Variants in CUL4A observed in about 807,000 individuals in gnomAD.
The protein encoded by CUL4A is cullin-4A.
In CUL4A, 16 loss-of-function variants were observed where a neutral mutation model predicts 95.5. The observed-to-expected ratio is 0.17, with a 90% CI of 0.11 to 0.25. The LOEUF is 0.25. Among genes scored for constraint, CUL4A ranks in the 10% least tolerant of loss-of-function variants. The pLI is 1.00. For missense variants in CUL4A, 610 were observed against 937.0 expected (o/e 0.65, Z 4.56); for synonymous variants, 380 against 353.1 (o/e 1.08, Z -0.85).
rs2041323991 is a variant in CUL4A at position 113,231,905 on chromosome 13, C to T, written c.513-1272C>T. ...CCACCATTGAGGTGGCTCCCAGGGC[C>T]CTCTGCACACCTGTGTGGCACCCAC... On this transcript the variant is annotated intron_variant, in intron 5 of 19. Transcript: ENST00000375440. 2.0e-5 allele frequency among the ~76,000 whole-genome samples: 3 copies of T among 152,062 alleles called. No homozygotes were observed. In the South Asian group the frequency reaches 6.2e-4, roughly 31 times the overall value.
At chr13:113,233,010 G>T in intron 5 of CUL4A, 167 bp from the exon 6 acceptor site, 3 of 691,654 alleles carry the variant, frequency 4.3e-6, no homozygotes, top group Non-Finnish European at 7.0e-6. Flanking sequence ...AGGCGCGCTA[G>T]ACTGGCTGAG....
At chr13:113,258,166 T>C (rs1239482407) in intron 18 of CUL4A, among the ~76,000 whole-genome samples, 1 of 152,058 alleles carries the variant, frequency 6.6e-6, no homozygotes, top group African/African-American at 2.4e-5. Flanking sequence ...AATTTTTGTA[T>C]TTTTTGTAGA....
chr13:113,216,763 A>G (rs951613633), intron 2 of CUL4A, among the ~76,000 whole-genome samples: 11 of 152,200 alleles, frequency 7.2e-5, no homozygotes, highest in African/African-American at 2.7e-4. Context: ...TAACAGCACA[A>G]AAAAGTCTTC....
Position 113,257,264 on chromosome 13 carries a change from T to TG in CUL4A, c.2031+2141dup, listed in dbSNP as rs1233405296. Among the ~76,000 whole-genome samples the TG allele has an allele frequency of 4.6e-5, 7 of 152,142 alleles. 1 individual carries two copies. The highest frequency in any genetic ancestry group is 7.2e-5 in the African/African-American group (3 of 41,422). On this transcript the variant is annotated intron_variant, in intron 18 of 19. Coordinates refer to ENST00000375440, the MANE Select transcript of CUL4A (RefSeq NM_001008895.4). ...TGACAGATAATTTTGTTGTTTTTAT[T>TG]GGTTTTTTTTTCACATAACAGTTTT... is the stretch of plus-strand genomic sequence containing the variant.
At chr13:113,256,686 AG>A (rs1321021850) in intron 18 of CUL4A, among the ~76,000 whole-genome samples, 1 of 152,198 alleles carries the variant, frequency 6.6e-6, no homozygotes, top group East Asian at 1.9e-4. Flanking sequence ...TATTTAAAAT[AG>A]ACATACTACT....
chr13:113,209,530 GA>G (rs1415704458), upstream of CUL4A: 4 of 678,188 alleles, frequency 5.9e-6, no homozygotes, highest in South Asian at 1.2e-4. Context: ...CGGGGCGCGC[GA>G]GGAGGACGGG....
In CUL4A at chr13:113,228,018, G is replaced by T; in HGVS notation, c.411G>T (p.Thr137=). ...DSVLFLKKIN[T]CWQDHCRQMI... is the part of the protein sequence containing the mutation. ...TTTTATTTTTAAAGAAGATTAACAC[G>T]TGCTGGCAGGACCACTGCAGACAAA... Residue 137 remains threonine, a synonymous_variant, in exon 4 of 20, where the codon ACG becomes ACT. Transcript: ENST00000375440. 3 of 1,613,458 alleles carry T rather than the reference G, an allele frequency of 1.9e-6. No homozygotes were observed. The highest frequency in any genetic ancestry group is 2.5e-6 in the Non-Finnish European group (3 of 1,179,532).
chr13:113,212,052 T>C lies in CUL4A; in HGVS notation c.264+1964T>C, dbSNP rs552339145. Among the ~76,000 whole-genome samples the C allele has an allele frequency of 2.2e-4, 33 of 152,378 alleles. 1 individual carries two copies. The highest frequency in any genetic ancestry group is 2.1e-3 in the South Asian group (10 of 4,832). ...AGTGTCATTGTAGTTTTAGTTTGCA[T>C]TTCCCTCTGATGCTAAGCATCTTTG... On this transcript the variant is annotated intron_variant, in intron 2 of 19. Coordinates refer to ENST00000375440, the MANE Select transcript of CUL4A (RefSeq NM_001008895.4).
chr13:113,229,339 G>T, intron 4 of CUL4A, 107 bp from the exon 5 acceptor site: 1 of 878,264 alleles, frequency 1.1e-6, no homozygotes. Context: ...TGGTGGACAG[G>T]AAACAGCTGT....
chr13:113,233,153 T>C (rs1377804451), intron 5 of CUL4A, 24 bp from the exon 6 acceptor site: 3 of 1,602,732 alleles, frequency 1.9e-6, no homozygotes, highest in Non-Finnish European at 2.6e-6. Flanking sequence ...TAAAATGTAG[T>C]CCTGTTTCTT....
intron 2 of CUL4A, among the ~76,000 whole-genome samples, chr13:113,218,111 G>A (rs1249168229): frequency 6.6e-6 from 1 of 152,122 alleles, no homozygotes; most frequent in African/African-American, 2.4e-5. Context: ...GGTGGCAGGT[G>A]CCTATAATCC....
chr13:113,210,440 A>G (rs892176650), intron 2 of CUL4A, among the ~76,000 whole-genome samples: 7 of 152,194 alleles, frequency 4.6e-5, no homozygotes, highest in Admixed American at 1.3e-4. Context: ...CACAGTAATA[A>G]GAGGGTCTTT....
chr13:113,241,387 G>A (rs181916416), intron 10 of CUL4A, among the ~76,000 whole-genome samples: 6 of 152,110 alleles, frequency 3.9e-5, no homozygotes, highest in African/African-American at 1.4e-4. Flanking sequence ...GCCTTGTAGT[G>A]TATGTGCATT....
chr13:113,219,088 TAA>T, intron 3 of CUL4A, 40 bp downstream of exon 3: 1 of 1,278,622 alleles, frequency 7.8e-7, no homozygotes, highest in South Asian at 1.3e-5. Flanking sequence ...ATTCATTATC[TAA>T]GTCTTTTAAA....
chr13:113,209,479 G>A (rs1386032615), upstream of CUL4A: 1 of 281,986 alleles, frequency 3.5e-6, no homozygotes, highest in Non-Finnish European at 5.3e-6. Flanking sequence ...GAGTAGCCGG[G>A]CGCGGCGGCG....
At chr13:113,253,603 C>CTGTAGTAG (rs1566368864) in intron 16 of CUL4A, among the ~76,000 whole-genome samples, 1 of 152,134 alleles carries the variant, frequency 6.6e-6, no homozygotes, top group Non-Finnish European at 1.5e-5. Flanking sequence ...TTGCCCACTA[C>CTGTAGTAG]TGGAAGAAGC....
Position 113,235,095 on chromosome 13 carries a change from C to G in CUL4A, c.798C>G (p.Arg266=). The G allele has an allele frequency of 1.1e-5, 18 of 1,613,308 alleles. No homozygotes were observed. The highest frequency in any genetic ancestry group is 1.5e-5 in the Non-Finnish European group (18 of 1,179,428). ...AATATCTTAACCATGTAAGTAAACG[C>G]TTAGAGGAAGAGGGAGACAGAGTAA... The part of the protein sequence containing the change: ...VPEYLNHVSK[R]LEEEGDRVIT... The change falls in exon 8 of 20, where the codon CGC becomes CGG. Residue 266 remains arginine, a synonymous_variant. Transcript: ENST00000375440.
intron 19 of CUL4A, among the ~76,000 whole-genome samples, chr13:113,261,793 T>C (rs1236314237): frequency 6.6e-6 from 1 of 151,826 alleles, no homozygotes; most frequent in Non-Finnish European, 1.5e-5. Flanking sequence ...TGGGTTTTTT[T>C]TTTCTTTGAG....
Position 113,218,883 on chromosome 13 carries a change from G to GT in CUL4A, c.265-55dup, listed in dbSNP as rs752550286. On this transcript the variant is annotated intron_variant, in intron 2 of 19. Transcript: ENST00000375440. ...TGATTACAGCTATGTTAACAATAGG[G>GT]TTTTTTTATGAACCAATCTGTTGTT... The GT allele has an allele frequency of 2.9e-5, 35 of 1,188,570 alleles. No individual in the cohort carries two copies. The South Asian group carries it at 3.1e-4, about 10-fold the overall frequency. 73.6% of individuals were successfully genotyped at this position (1,188,570 alleles called of 1,614,324 possible). A position where few individuals can be genotyped will look rare whatever the true frequency, so the allele number is the denominator to read the frequency against.
Sources: allele counts gnomAD v4.1 joint callset (sites outside exome capture counted in the v4.1 genomes callset), GRCh38; gene constraint gnomAD v4.1.1; transcripts MANE v1.5; gene names NCBI Gene and HGNC (gene_info 2026-07-23, HGNC 2026-07-21).